Variants in UNC5C observed in about 807,000 individuals in gnomAD.
The protein encoded by UNC5C is netrin receptor UNC5C.
Under a neutral mutation model 99.8 loss-of-function variants are expected in UNC5C, and 47 were observed. The observed-to-expected ratio is 0.47, with a 90% CI of 0.37 to 0.60. The LOEUF is 0.60. Among genes scored for constraint, UNC5C ranks in the 20% least tolerant of loss-of-function variants. UNC5C has a pLI of 0.00. For synonymous variants in UNC5C, 487 were observed against 452.2 expected (o/e 1.08, Z -0.98); for missense variants, 1,062 against 1,165.9 (o/e 0.91, Z 1.30).
intron 1 of UNC5C, among the ~76,000 whole-genome samples, chr4:95,387,449 T>C (rs1745244854): frequency 6.6e-6 from 1 of 152,146 alleles, no homozygotes; most frequent in African/African-American, 2.4e-5. Context: ...TCCTTTTTGT[T>C]TGAATGCAGT....
At chr4:95,430,113 A>G (rs185080278) in intron 1 of UNC5C, among the ~76,000 whole-genome samples, 62 of 152,214 alleles carry the variant, frequency 4.1e-4, no homozygotes, top group African/African-American at 1.4e-3. Context: ...GCCAAAACCC[A>G]CAGAATGTAC....
At chr4:95,399,517 C>G (rs1024826872) in intron 1 of UNC5C, among the ~76,000 whole-genome samples, 1 of 152,170 alleles carries the variant, frequency 6.6e-6, no homozygotes, top group Non-Finnish European at 1.5e-5. Context: ...TCATGATGGC[C>G]TGAATCCCCT....
At chr4:95,206,093 C>T (rs890191094) in intron 11 of UNC5C, among the ~76,000 whole-genome samples, 13 of 151,676 alleles carry the variant, frequency 8.6e-5, no homozygotes, top group African/African-American at 2.9e-4. Flanking sequence ...CTCCGCCTCC[C>T]GGGTTCAAGC....
chr4:95,370,344 G>T (rs955585142), intron 1 of UNC5C, among the ~76,000 whole-genome samples: 2 of 151,392 alleles, frequency 1.3e-5, no homozygotes, highest in Admixed American at 6.6e-5. Flanking sequence ...TTTCATATGT[G>T]GTCATATTAT....
intron 2 of UNC5C, among the ~76,000 whole-genome samples, chr4:95,317,371 G>A (rs954171449): frequency 9.9e-5 from 15 of 152,168 alleles, no homozygotes; most frequent in Admixed American, 6.5e-5. Flanking sequence ...AACTGAGAGC[G>A]GCTGCATTAA....
chr4:95,457,795 G>A (rs554967871), intron 1 of UNC5C, among the ~76,000 whole-genome samples: 14 of 152,058 alleles, frequency 9.2e-5, no homozygotes, highest in African/African-American at 2.7e-4. Flanking sequence ...AGAAAACAGC[G>A]AATTCTGCTT....
intron 1 of UNC5C, among the ~76,000 whole-genome samples, chr4:95,427,958 T>A (rs1230843485): frequency 6.6e-6 from 1 of 152,184 alleles, no homozygotes; most frequent in Non-Finnish European, 1.5e-5. Flanking sequence ...TTCTATATAA[T>A]AGGCCTTCAG....
At chr4:95,293,130 T>C (rs1276016298) in intron 3 of UNC5C, among the ~76,000 whole-genome samples, 1 of 152,040 alleles carries the variant, frequency 6.6e-6, no homozygotes, top group Non-Finnish European at 1.5e-5. Context: ...GGGGTAAGAA[T>C]GTTTCAAGTG....
chr4:95,392,141 C>T (rs1745380534), intron 1 of UNC5C, among the ~76,000 whole-genome samples: 1 of 151,996 alleles, frequency 6.6e-6, no homozygotes, highest in Non-Finnish European at 1.5e-5. Flanking sequence ...TATCTTTAAG[C>T]CCTAGAAAAG....
intron 1 of UNC5C, among the ~76,000 whole-genome samples, chr4:95,363,982 A>G (rs995433418): frequency 6.6e-6 from 1 of 152,180 alleles, no homozygotes; most frequent in Non-Finnish European, 1.5e-5. Flanking sequence ...TGTGGGGGTG[A>G]CATATTGATA....
intron 2 of UNC5C, among the ~76,000 whole-genome samples, chr4:95,332,239 C>T (rs929542401): frequency 6.6e-6 from 1 of 151,776 alleles, no homozygotes; most frequent in African/African-American, 2.4e-5. Flanking sequence ...TCATATTGAA[C>T]CAAAAAAGAG....
chr4:95,206,887 T>C, intron 10 of UNC5C, 91 bp from the exon 11 acceptor site: 1 of 1,125,958 alleles, frequency 8.9e-7, no homozygotes, highest in South Asian at 2.4e-5. Flanking sequence ...GGTCAAGTAG[T>C]TTTCTCCTGG....
chr4:95,267,949 A>T (rs1183024417), intron 4 of UNC5C, among the ~76,000 whole-genome samples: 20 of 117,564 alleles, frequency 1.7e-4, no homozygotes, highest in South Asian at 2.7e-4. Context: ...GAATTTTGTG[A>T]TTTTTTTTTT....
intron 11 of UNC5C, among the ~76,000 whole-genome samples, chr4:95,205,173 C>G (rs1279299561): frequency 6.6e-6 from 1 of 152,188 alleles, no homozygotes; most frequent in Non-Finnish European, 1.5e-5. Context: ...GGACTGTCCT[C>G]TTCTACTTCC....
chr4:95,242,388 C>G, intron 7 of UNC5C, 41 bp downstream of exon 7: 1 of 1,611,814 alleles, frequency 6.2e-7, no homozygotes, highest in Non-Finnish European at 8.5e-7. Flanking sequence ...GGTTCAATCT[C>G]CAGCCCCCTC....
At chr4:95,462,453 G>T (rs1747631814) in intron 1 of UNC5C, among the ~76,000 whole-genome samples, 1 of 152,092 alleles carries the variant, frequency 6.6e-6, no homozygotes, top group Non-Finnish European at 1.5e-5. Context: ...GACCTTATCA[G>T]CCTAAAATCA....
At chr4:95,266,715 C>T (rs1344078424) in intron 4 of UNC5C, among the ~76,000 whole-genome samples, 2 of 152,182 alleles carry the variant, frequency 1.3e-5, no homozygotes, top group Non-Finnish European at 2.9e-5. Flanking sequence ...AGTAGCAACT[C>T]CAGCATTCAG....
chr4:95,272,447 G>A (rs1740696801), intron 4 of UNC5C, among the ~76,000 whole-genome samples: 1 of 152,108 alleles, frequency 6.6e-6, no homozygotes, highest in South Asian at 2.1e-4. Flanking sequence ...TAAACTTATT[G>A]CAATTTTAAT....
intron 14 of UNC5C, among the ~76,000 whole-genome samples, chr4:95,175,845 A>C (rs1188264288): frequency 4.0e-5 from 6 of 151,818 alleles, no homozygotes; most frequent in Non-Finnish European, 8.8e-5. Flanking sequence ...GTGTTTTCCA[A>C]CTTGGTTCCA....
Sources: gnomAD v4.1 joint callset for allele counts (sites outside exome capture counted in the v4.1 genomes callset) on GRCh38, gnomAD v4.1.1 for gene constraint, MANE v1.5 for transcripts, NCBI Gene and HGNC (gene_info 2026-07-23, HGNC 2026-07-21) for gene names.